The following LRRIQ3 variants were observed in gnomAD, a reference collection of about 807,000 sequenced individuals.
LRRIQ3 encodes leucine-rich repeat and IQ domain-containing protein 3.
In LRRIQ3, 75 loss-of-function variants were observed where a neutral mutation model predicts 59.3. That is an observed-to-expected ratio of 1.26 (90% confidence interval 1.05 to 1.53). LRRIQ3 has a LOEUF of 1.53. Ranked by LOEUF, LRRIQ3 falls within the 40% of genes most tolerant of loss-of-function variation. The pLI is 0.00. For missense variants in LRRIQ3, 831 were observed against 710.0 expected, an observed-to-expected ratio of 1.17 and a Z score of -1.94; for synonymous variants, 250 against 231.3, an observed-to-expected ratio of 1.08 and a Z score of -0.73.
intron 6 of LRRIQ3, among the ~76,000 whole-genome samples, chr1:74,066,348 GATTT>G (rs1357228152): frequency 6.6e-6 from 1 of 151,904 alleles, no homozygotes; most frequent in African/African-American, 2.4e-5. Context: ...ATGAAAATTA[GATTT>G]ATTTGACATA....
intron 6 of LRRIQ3, among the ~76,000 whole-genome samples, chr1:74,053,163 G>C (rs1244070627): frequency 7.5e-6 from 1 of 133,542 alleles, no homozygotes. Flanking sequence ...TGAAATAACC[G>C]GTCCTCCACA....
intron 3 of LRRIQ3, among the ~76,000 whole-genome samples, chr1:74,173,832 C>A (rs536454292): frequency 6.6e-5 from 10 of 152,178 alleles, no homozygotes; most frequent in African/African-American, 2.4e-4. Flanking sequence ...TTTTGTTTAT[C>A]TGTAAATGTC....
chr1:74,033,311 A>C (rs1307662764), intron 7 of LRRIQ3, among the ~76,000 whole-genome samples: 1 of 152,062 alleles, frequency 6.6e-6, no homozygotes, highest in East Asian at 1.9e-4. Flanking sequence ...AAAGAACTTT[A>C]GAGACACTGG....
At chr1:74,061,335 A>G (rs1034501766) in intron 6 of LRRIQ3, among the ~76,000 whole-genome samples, 12 of 152,212 alleles carry the variant, frequency 7.9e-5, no homozygotes, top group Admixed American at 7.9e-4. Context: ...AAGAATCAAT[A>G]CTGTTAATCA....
At position 74,063,727 on chromosome 1, in the gene LRRIQ3, C is replaced by T. The variant is rs568548061; in HGVS notation, c.997+10934G>A. On this transcript the variant is annotated intron_variant, in intron 6 of 7. Transcript: ENST00000354431. ...AGTCCCTCCAGTTCTCTGATGATTG[C>T]TGTTTGCATGATATCATTTTCCATC... 1.0e-3 allele frequency among the ~76,000 whole-genome samples: 159 copies of T among 152,012 alleles called. 1 individual carries two copies. The highest frequency in any genetic ancestry group is 1.4e-3 in the Non-Finnish European group (96 of 67,878).
intron 5 of LRRIQ3, among the ~76,000 whole-genome samples, chr1:74,096,236 C>A (rs552020813): frequency 2.0e-5 from 3 of 151,930 alleles, no homozygotes; most frequent in Non-Finnish European, 4.4e-5. Context: ...TGGAAAAACT[C>A]CATGATACAG....
At chr1:74,119,429 A>C (rs1009800451) in intron 4 of LRRIQ3, among the ~76,000 whole-genome samples, 1 of 152,040 alleles carries the variant, frequency 6.6e-6, no homozygotes, top group African/African-American at 2.4e-5. Flanking sequence ...CAAGCTATTT[A>C]TATGTGAACA....
At chr1:74,053,437 G>C (rs767089484) in intron 6 of LRRIQ3, among the ~76,000 whole-genome samples, 2 of 152,056 alleles carry the variant, frequency 1.3e-5, no homozygotes, top group Non-Finnish European at 1.5e-5. Flanking sequence ...CAGAGAATGA[G>C]AGAGCAGCCA....
intron 4 of LRRIQ3, among the ~76,000 whole-genome samples, chr1:74,128,280 CT>C (rs1646964502): frequency 6.6e-6 from 1 of 151,952 alleles, no homozygotes; most frequent in East Asian, 1.9e-4. Flanking sequence ...GGGAAGTTCT[CT>C]GTTTTTATCT....
chr1:74,191,719 T>C (rs541709696), intron 1 of LRRIQ3, among the ~76,000 whole-genome samples: 1 of 152,104 alleles, frequency 6.6e-6, no homozygotes, highest in Non-Finnish European at 1.5e-5. Flanking sequence ...AATTTAAAGA[T>C]ATTTTGAACT....
At chr1:74,076,413 A>G (rs532230995) in intron 5 of LRRIQ3, among the ~76,000 whole-genome samples, 1 of 152,262 alleles carries the variant, frequency 6.6e-6, no homozygotes, top group South Asian at 2.1e-4. Context: ...CTCATACTCA[A>G]GAGAATCAAA....
chr1:74,122,886 A>G (rs970095068), intron 4 of LRRIQ3, among the ~76,000 whole-genome samples: 1 of 152,160 alleles, frequency 6.6e-6, no homozygotes, highest in Admixed American at 6.6e-5. Context: ...ATCAGAGTGA[A>G]CATGCAACCT....
At chr1:74,113,149 A>T (rs542019664) in intron 4 of LRRIQ3, among the ~76,000 whole-genome samples, 87 of 151,510 alleles carry the variant, frequency 5.7e-4, no homozygotes, top group East Asian at 2.7e-3. Context: ...AAAATAATTT[A>T]AAAAAAACCA....
intron 1 of LRRIQ3, among the ~76,000 whole-genome samples, chr1:74,189,644 G>T (rs1464809237): frequency 6.6e-6 from 1 of 152,110 alleles, no homozygotes; most frequent in East Asian, 1.9e-4. Context: ...GGAGATAATT[G>T]AATGATGGTG....
intron 6 of LRRIQ3, among the ~76,000 whole-genome samples, chr1:74,052,751 T>C (rs1202873318): frequency 6.6e-6 from 1 of 152,088 alleles, no homozygotes; most frequent in Non-Finnish European, 1.5e-5. Flanking sequence ...TGAGCTCTTC[T>C]CTCTGTGGAA....
intron 5 of LRRIQ3, chr1:74,082,896 C>A (rs960374219): frequency 2.0e-5 from 3 of 151,516 alleles, no homozygotes; most frequent in Non-Finnish European, 3.0e-5. Context: ...TATCCCCCTG[C>A]AACTTGGAAC....
At chr1:74,171,672 T>G (rs1348904093) in intron 3 of LRRIQ3, among the ~76,000 whole-genome samples, 2 of 152,186 alleles carry the variant, frequency 1.3e-5, no homozygotes, top group Admixed American at 6.5e-5. Flanking sequence ...AGTTTAGAAG[T>G]GTTCGCTCTT....
At chr1:74,073,771 G>C (rs1424855142) in intron 6 of LRRIQ3, among the ~76,000 whole-genome samples, 1 of 151,998 alleles carries the variant, frequency 6.6e-6, no homozygotes, top group Non-Finnish European at 1.5e-5. Flanking sequence ...GATTAAAAAA[G>C]AAAGATTTGA....
intron 5 of LRRIQ3, among the ~76,000 whole-genome samples, chr1:74,103,014 G>A (rs1290128377): frequency 6.6e-6 from 1 of 151,858 alleles, no homozygotes; most frequent in Non-Finnish European, 1.5e-5. Context: ...TTTAGCCTCT[G>A]GTAGCTCTAG....
Sources: gnomAD v4.1 joint callset for allele counts (sites outside exome capture counted in the v4.1 genomes callset) on GRCh38, gnomAD v4.1.1 for gene constraint, MANE v1.5 for transcripts, NCBI Gene and HGNC (gene_info 2026-07-23, HGNC 2026-07-21) for gene names.